Variants in CTNNA2 observed in about 807,000 individuals in gnomAD.
The protein encoded by CTNNA2 is catenin alpha 2, also known as catenin alpha-2.
A neutral mutation model predicts 101.0 loss-of-function variants in CTNNA2; 42 were observed. The ratio of observed to expected loss-of-function variants is 0.42; its 90% CI spans 0.32 to 0.54. The LOEUF (loss-of-function observed/expected upper bound fraction) is 0.54, where lower values mean the gene tolerates loss of function less well. Ranked by LOEUF, CTNNA2 falls within the 20% of genes least tolerant of loss-of-function variation. CTNNA2 has a pLI of 0.14. For synonymous variants in CTNNA2, 450 were observed against 456.4 expected, an observed-to-expected ratio of 0.99 and a Z score of 0.18; for missense variants, 871 against 1,223.1, an observed-to-expected ratio of 0.71 and a Z score of 4.29.
At chr2:80,199,065 C>T (rs1339202164) in intron 7 of CTNNA2, among the ~76,000 whole-genome samples, 2 of 151,030 alleles carry the variant, frequency 1.3e-5, no homozygotes, top group Non-Finnish European at 2.9e-5. Context: ...CCTGTAATCT[C>T]AGCTACTTGG....
intron 3 of CTNNA2, among the ~76,000 whole-genome samples, chr2:79,365,907 G>C (rs1447763445): frequency 6.6e-6 from 1 of 152,138 alleles, no homozygotes; most frequent in East Asian, 1.9e-4. Flanking sequence ...CAGGTCGCTG[G>C]CAAGTGCGAT....
intron 7 of CTNNA2, among the ~76,000 whole-genome samples, chr2:80,064,162 C>T (rs1223762790): frequency 3.3e-5 from 5 of 152,228 alleles, no homozygotes; most frequent in Non-Finnish European, 7.3e-5. Context: ...CTTCCTCATT[C>T]TAAGCTGACA....
chr2:79,886,390 G>A (rs1268991782), intron 6 of CTNNA2, among the ~76,000 whole-genome samples: 16 of 152,062 alleles, frequency 1.1e-4, no homozygotes, highest in Admixed American at 1.0e-3. Flanking sequence ...CAATCCTGAA[G>A]AGCTATTCAG....
chr2:79,856,067 T>C (rs1267143418), intron 3 of CTNNA2, among the ~76,000 whole-genome samples: 2 of 152,230 alleles, frequency 1.3e-5, no homozygotes, highest in South Asian at 4.1e-4. Flanking sequence ...TCTTGAAAAT[T>C]CATCATTGTG....
At chr2:79,433,342 A>G (rs2104511820) in intron 4 of CTNNA2, among the ~76,000 whole-genome samples, 1 of 152,246 alleles carries the variant, frequency 6.6e-6, no homozygotes, top group South Asian at 2.1e-4. Flanking sequence ...TTAGGACAAA[A>G]ATTTTAGTTG....
At chr2:80,090,935 C>T (rs942832739) in intron 7 of CTNNA2, among the ~76,000 whole-genome samples, 6 of 151,926 alleles carry the variant, frequency 3.9e-5, no homozygotes, top group Non-Finnish European at 7.4e-5. Context: ...GTAATGGTCA[C>T]GAGAAGAATT....
At chr2:80,388,294 G>T (rs1054284621) in intron 7 of CTNNA2, among the ~76,000 whole-genome samples, 5 of 152,162 alleles carry the variant, frequency 3.3e-5, no homozygotes, top group African/African-American at 1.2e-4. Context: ...GGGGAATGAG[G>T]AGGTGGGCAA....
In CTNNA2 at chr2:80,338,708, A is replaced by G. The variant is rs141794362; in HGVS notation, c.1057-54503A>G. 8.5e-5 allele frequency among the ~76,000 whole-genome samples: 13 copies of G among 152,272 alleles called. No homozygotes were observed. The East Asian group carries it at 2.5e-3, about 29-fold the overall frequency. On this transcript the variant is annotated intron_variant, in intron 7 of 18. Transcript: ENST00000402739. Reference sequence around the variant, plus strand: ...TGCCAAAGCCAGTCCAAATGCCCTAATAAAAACCTCTAAGTGATTAACATA... The same window carrying G: ...TGCCAAAGCCAGTCCAAATGCCCTAGTAAAAACCTCTAAGTGATTAACATA...
At chr2:79,633,007 T>TG (rs1679795843) in intron 1 of CTNNA2, among the ~76,000 whole-genome samples, 2 of 152,332 alleles carry the variant, frequency 1.3e-5, no homozygotes, top group East Asian at 1.9e-4. Context: ...AGATTTTCAC[T>TG]GGGGGGCTGT....
At chr2:80,433,971 G>A (rs908492307) in intron 9 of CTNNA2, among the ~76,000 whole-genome samples, 17 of 152,134 alleles carry the variant, frequency 1.1e-4, no homozygotes, top group African/African-American at 4.1e-4. Context: ...TTCAACCTTT[G>A]TCCCAATTGC....
Position 80,500,475 on chromosome 2 carries a change from G to A in CTNNA2, c.1291-44507G>A, listed in dbSNP as rs554909904. On this transcript the variant is annotated intron_variant, in intron 9 of 18. Coordinates refer to ENST00000402739, the MANE Select transcript of CTNNA2 (RefSeq NM_001282597.3). ...TCGACCCAACAAACATCAGTTGAGTGCCTGTCATTTGCCAAGCATTAATGG... is the reference window on the plus strand; with the variant it reads ...TCGACCCAACAAACATCAGTTGAGTACCTGTCATTTGCCAAGCATTAATGG... Among the ~76,000 whole-genome samples, 4 of 152,222 alleles carry A rather than the reference G, an allele frequency of 2.6e-5. No individual in the cohort carries two copies. The East Asian group carries it at 7.7e-4, about 29-fold the overall frequency.
intron 2 of CTNNA2, among the ~76,000 whole-genome samples, chr2:79,274,990 A>C (rs989172794): frequency 1.3e-5 from 2 of 152,034 alleles, no homozygotes; most frequent in Non-Finnish European, 2.9e-5. Flanking sequence ...GGACAAAGCT[A>C]TGCTCTGGGA....
intron 9 of CTNNA2, among the ~76,000 whole-genome samples, chr2:80,455,519 C>T (rs1683896808): frequency 6.6e-6 from 1 of 152,140 alleles, no homozygotes; most frequent in Admixed American, 6.5e-5. Flanking sequence ...CATTAGGTCT[C>T]CGTGAAGTTG....
intron 9 of CTNNA2, among the ~76,000 whole-genome samples, chr2:80,484,739 A>T (rs573867481): frequency 6.6e-6 from 1 of 152,168 alleles, no homozygotes; most frequent in Non-Finnish European, 1.5e-5. Context: ...GGGCGCAGTG[A>T]CTCACACCTG....
intron 1 of CTNNA2, among the ~76,000 whole-genome samples, chr2:79,581,877 C>T (rs1013362167): frequency 6.6e-6 from 1 of 152,218 alleles, no homozygotes; most frequent in Non-Finnish European, 1.5e-5. Flanking sequence ...TAATCTAACT[C>T]ATTCTGTTAT....
chr2:79,361,579 A>G (rs1677630569), intron 3 of CTNNA2, among the ~76,000 whole-genome samples: 1 of 152,188 alleles, frequency 6.6e-6, no homozygotes, highest in Admixed American at 6.6e-5. Context: ...TTCATATTCA[A>G]TATCCCTAGC....
intron 3 of CTNNA2, among the ~76,000 whole-genome samples, chr2:79,358,103 T>C (rs1353685514): frequency 1.3e-5 from 2 of 152,158 alleles, no homozygotes; most frequent in Non-Finnish European, 2.9e-5. Context: ...TTGGTGAAGA[T>C]AAAAGAGATT....
chr2:80,355,771 C>T (rs569762463), intron 7 of CTNNA2, among the ~76,000 whole-genome samples: 2 of 152,028 alleles, frequency 1.3e-5, no homozygotes, highest in African/African-American at 4.8e-5. Flanking sequence ...TTTTTGAACT[C>T]TTATATAATT....
intron 7 of CTNNA2, chr2:80,304,927 AAAAGG>A: frequency 3.2e-6 from 1 of 309,434 alleles, no homozygotes; most frequent in Non-Finnish European, 4.7e-6. Flanking sequence ...AAAAAAAAAA[AAAAGG>A]AGGGGGGAGG....
Sources: allele counts gnomAD v4.1 joint callset (sites outside exome capture counted in the v4.1 genomes callset), GRCh38; gene constraint gnomAD v4.1.1; transcripts MANE v1.5; gene names NCBI Gene and HGNC (gene_info 2026-07-23, HGNC 2026-07-21).